The following ABTB2 variants were observed in gnomAD, a reference collection of about 807,000 sequenced individuals.
ABTB2 encodes the protein ankyrin repeat and BTB domain containing 2.
ABTB2 carries 56 observed loss-of-function variants against 104.1 expected under a neutral mutation model. The ratio of observed to expected loss-of-function variants is 0.54; its 90% CI spans 0.43 to 0.67. The LOEUF is 0.67. ABTB2 is among the 30% of genes least tolerant of loss of function. The pLI, the probability that ABTB2 is intolerant of heterozygous loss-of-function variation, is 0.00. For missense variants in ABTB2, 1,279 were observed against 1,407.7 expected (o/e 0.91, Z 1.46); for synonymous variants, 606 against 608.2 (o/e 1.00, Z 0.05).
chr11:34,281,668 C>G (rs951633243), intron 1 of ABTB2, among the ~76,000 whole-genome samples: 1 of 152,214 alleles, frequency 6.6e-6, no homozygotes, highest in East Asian at 1.9e-4. Flanking sequence ...GCTGCACCAC[C>G]GAGTTCCAGT....
At chr11:34,266,903 T>A (rs1468528262) in intron 1 of ABTB2, among the ~76,000 whole-genome samples, 1 of 149,674 alleles carries the variant, frequency 6.7e-6, no homozygotes, top group Non-Finnish European at 1.5e-5. Flanking sequence ...GGAGGTATGA[T>A]AAATGGACAC....
rs1852599831 is a variant in ABTB2 at position 34,154,858 on chromosome 11, GCCTCCAGGGGCCTGTC to G, written c.2698-105_2698-90del. ...CCCACAGGGTACTGCTCCAGCTGCC[GCCTCCAGGGGCCTGTC>G]CCTCTGCAGGTCCCCAGCTCTGTCT... is the stretch of plus-strand genomic sequence containing the variant. On this transcript the variant is annotated intron_variant, in intron 14 of 16. Transcript: ENST00000435224. This position sits in a 1 kb window ranked among gnomAD's most constrained non-coding sequence, Gnocchi z 4.9. The G allele has an allele frequency of 8.0e-7, 1 of 1,249,082 alleles. No individual in the cohort carries two copies. The highest frequency in any genetic ancestry group is 1.5e-5 in the African/African-American group (1 of 67,458). 77.4% of individuals were successfully genotyped at this position (1,249,082 alleles called of 1,614,324 possible).
At chr11:34,172,654 T>G in intron 4 of ABTB2, among the ~76,000 whole-genome samples, 1 of 152,066 alleles carries the variant, frequency 6.6e-6, no homozygotes, top group Non-Finnish European at 1.5e-5. Flanking sequence ...TGAGTATCTG[T>G]GGGCAAGCTA....
At chr11:34,245,881 T>A (rs1054467305) in intron 1 of ABTB2, among the ~76,000 whole-genome samples, 1 of 152,234 alleles carries the variant, frequency 6.6e-6, no homozygotes, top group African/African-American at 2.4e-5. Flanking sequence ...TGTGCTGTTC[T>A]AGACTAAATG....
chr11:34,246,840 CTTTTTTCTTTTTTTTT>C (rs1853990880), intron 1 of ABTB2, among the ~76,000 whole-genome samples: 1 of 127,394 alleles, frequency 7.8e-6, no homozygotes, highest in Non-Finnish European at 1.6e-5. Flanking sequence ...TTCTTTTTTT[CTTTTTTCTTTTTTTTT>C]TTTTTTTTGA....
intron 1 of ABTB2, among the ~76,000 whole-genome samples, chr11:34,331,334 C>T (rs764412538): frequency 6.6e-6 from 1 of 152,118 alleles, no homozygotes; most frequent in Non-Finnish European, 1.5e-5. Context: ...AAAATCAGGA[C>T]CATAAAACGC....
intron 14 of ABTB2, among the ~76,000 whole-genome samples, chr11:34,156,931 A>G (rs987551955): frequency 6.6e-6 from 1 of 152,176 alleles, no homozygotes; most frequent in Non-Finnish European, 1.5e-5. Context: ...TTATGTGACT[A>G]GTAGTAAATT....
intron 1 of ABTB2, among the ~76,000 whole-genome samples, chr11:34,352,681 T>C (rs1855413352): frequency 6.6e-6 from 1 of 152,240 alleles, no homozygotes; most frequent in African/African-American, 2.4e-5. Flanking sequence ...TAGGTGCTCT[T>C]ACTATGTCCC....
chr11:34,235,445 A>G lies in ABTB2; in HGVS notation c.884-30755T>C, dbSNP rs549007815. Among the ~76,000 whole-genome samples, 3 of 152,332 alleles carry G rather than the reference A, an allele frequency of 2.0e-5. No individual in the cohort carries two copies. The East Asian group carries it at 5.8e-4, about 29-fold the overall frequency. ...CATAAAGCACTAAACCCAATGCCTG[A>G]CACATAGCAAGAGTTCAATAAAAGG... On this transcript the variant is annotated intron_variant, in intron 1 of 16. Transcript: ENST00000435224.
intron 1 of ABTB2, among the ~76,000 whole-genome samples, chr11:34,355,024 A>G (rs1448162920): frequency 1.3e-5 from 2 of 152,216 alleles, no homozygotes; most frequent in Non-Finnish European, 2.9e-5. Flanking sequence ...GACATCATCA[A>G]CTGAGATTCA....
At chr11:34,321,204 A>G (rs1051861021) in intron 1 of ABTB2, among the ~76,000 whole-genome samples, 1 of 152,132 alleles carries the variant, frequency 6.6e-6, no homozygotes, top group Non-Finnish European at 1.5e-5. Flanking sequence ...AACAAACAAA[A>G]AAAGATGTTT....
At chr11:34,319,379 C>A (rs186020203) in intron 1 of ABTB2, among the ~76,000 whole-genome samples, 11 of 152,328 alleles carry the variant, frequency 7.2e-5, no homozygotes, top group Non-Finnish European at 1.5e-4. Context: ...CCACCAGGAC[C>A]AGCTGATGCC....
At chr11:34,166,255 TCA>T (rs1319888276) in intron 7 of ABTB2, among the ~76,000 whole-genome samples, 2 of 152,206 alleles carry the variant, frequency 1.3e-5, no homozygotes, top group Non-Finnish European at 2.9e-5. Flanking sequence ...GGCTGACCTC[TCA>T]GTCCCATGGA....
In ABTB2 at chr11:34,165,330, G is replaced by C; in HGVS notation, c.1782C>G (p.Val594=). The change falls in exon 8 of 17, where the codon GTC becomes GTG. Residue 594 remains valine, a synonymous_variant. Transcript: ENST00000435224. Reference sequence around the variant, plus strand: ...CGCCGCCGTTCACTGCCGAGCCCTCGACATGGGCACCAGCATCCAGCAGCA... The same window carrying C: ...CGCCGCCGTTCACTGCCGAGCCCTCCACATGGGCACCAGCATCCAGCAGCA... The part of the protein sequence containing the change: ...VQLLLDAGAH[V]EGSAVNGGED... 6.3e-7 allele frequency: 1 copy of C among 1,587,202 alleles called. No homozygotes were observed. Among genetic ancestry groups the C allele is most frequent in the Non-Finnish European group, 8.6e-7 (1 of 1,167,426 alleles).
intron 7 of ABTB2, among the ~76,000 whole-genome samples, chr11:34,166,921 A>G (rs1852809340): frequency 6.6e-6 from 1 of 152,244 alleles, no homozygotes; most frequent in Non-Finnish European, 1.5e-5. Context: ...GAAGGGTCGG[A>G]AAGGCGGCTG....
chr11:34,286,426 G>T (rs1854506925), intron 1 of ABTB2, among the ~76,000 whole-genome samples: 2 of 152,024 alleles, frequency 1.3e-5, no homozygotes, highest in Non-Finnish European at 2.9e-5. Flanking sequence ...CTGAGTAGCT[G>T]GGATTACAGG....
At chr11:34,266,091 T>G (rs1590234551) in intron 1 of ABTB2, among the ~76,000 whole-genome samples, 2 of 152,178 alleles carry the variant, frequency 1.3e-5, no homozygotes, top group African/African-American at 4.8e-5. Context: ...TTTATTTATC[T>G]ACTTATTTAG....
intron 1 of ABTB2, among the ~76,000 whole-genome samples, chr11:34,257,521 T>C (rs1021876029): frequency 6.6e-6 from 1 of 152,252 alleles, no homozygotes; most frequent in African/African-American, 2.4e-5. Flanking sequence ...GTATCTGTGC[T>C]GTCCAACACA....
At chr11:34,170,434 G>A (rs1224984435) in intron 5 of ABTB2, among the ~76,000 whole-genome samples, 1 of 152,140 alleles carries the variant, frequency 6.6e-6, no homozygotes, top group Non-Finnish European at 1.5e-5. Flanking sequence ...CCATTTTCAT[G>A]CTTCATTTTA....
Sources: allele counts gnomAD v4.1 joint callset (sites outside exome capture counted in the v4.1 genomes callset), GRCh38; gene constraint gnomAD v4.1.1; non-coding constraint Gnocchi (gnomAD v3.1); transcripts MANE v1.5; gene names NCBI Gene and HGNC (gene_info 2026-07-23, HGNC 2026-07-21).